GAREM2: variants seen among roughly 807,000 people sequenced by gnomAD.
The protein encoded by GAREM2 is GRB2 associated regulator of MAPK1 subtype 2.
GAREM2 carries 30 observed loss-of-function variants against 55.6 expected under a neutral mutation model. The observed-to-expected ratio is 0.54, with a 90% CI of 0.40 to 0.73. The LOEUF is 0.73. GAREM2 is among the 30% of genes least tolerant of loss of function. GAREM2 has a pLI of 0.00. For synonymous variants in GAREM2, 550 were observed against 569.1 expected, an observed-to-expected ratio of 0.97 and a Z score of 0.48; for missense variants, 1,075 against 1,257.7, an observed-to-expected ratio of 0.85 and a Z score of 2.20.
chr2:26,199,215 A>G, the GAREM2 span: 1 of 152,188 alleles, frequency 6.6e-6, no homozygotes, highest in Non-Finnish European at 1.5e-5. Context: ...ATAACTTTAA[A>G]AAACTAGCCA....
At position 26,173,316 on chromosome 2, in the gene GAREM2, C is replaced by G; in HGVS notation, c.96C>G (p.Leu32=). 7.1e-7 allele frequency: 1 copy of G among 1,413,558 alleles called. No homozygotes were observed. Among genetic ancestry groups the G allele is most frequent in the African/African-American group, 1.5e-5 (1 of 67,458 alleles). The allele number at this position is 1,413,558 out of a possible 1,614,324, so 87.6% of individuals were successfully genotyped here. A position where few individuals can be genotyped will look rare whatever the true frequency, so the allele number is the denominator to read the frequency against. The stretch of plus-strand genomic sequence containing the variant: ...TCAGCCGCTGCCGCCTGCCCACGCT[C>G]GCCTGCCTTGGGCCAGGTACCGGGG... The part of the protein sequence containing the change: ...LIVSRCRLPT[L]ACLGPGEYAE... The change falls in exon 1 of 6, where the codon CTC becomes CTG. Residue 32 remains leucine (L), a synonymous_variant. Coordinates refer to ENST00000401533, the MANE Select transcript of GAREM2 (RefSeq NM_001168241.2).
chr2:26,174,339 G>A (rs547642892), intron 1 of GAREM2, among the ~76,000 whole-genome samples: 169 of 152,380 alleles, frequency 1.1e-3, no homozygotes, highest in African/African-American at 3.9e-3. Context: ...GCGGCCGAGT[G>A]GTCAGAGTGT....
At chr2:26,200,020 G>C in the GAREM2 span, among the ~76,000 whole-genome samples, 2 of 152,226 alleles carry the variant, frequency 1.3e-5, no homozygotes, top group Admixed American at 1.3e-4. Context: ...AGAACACGGA[G>C]ACATGAGGAA....
At chr2:26,175,813 AG>A (rs1351254001) in intron 1 of GAREM2, among the ~76,000 whole-genome samples, 1 of 152,152 alleles carries the variant, frequency 6.6e-6, no homozygotes, top group African/African-American at 2.4e-5. Flanking sequence ...CCACTGCCCC[AG>A]TAGGGCCCTT....
chr2:26,184,562 C>T lies in GAREM2; in HGVS notation c.714C>T (p.Ser238=), dbSNP rs900408741. ...CCTTTCAGTGCCAGGGCCGCTTCAG[C>T]ACTCGCAGCCCGCTGGAGCTGCAGA... ...SLPFQCQGRF[S]TRSPLELQMQ... Residue 238 remains serine, a synonymous_variant, in exon 4 of 6, where the codon AGC becomes AGT. Coordinates refer to ENST00000401533, the MANE Select transcript of GAREM2 (RefSeq NM_001168241.2). 1.3e-6 allele frequency: 2 copies of T among 1,548,124 alleles called. No homozygotes were observed. Among genetic ancestry groups the T allele is most frequent in the Non-Finnish European group, 1.7e-6 (2 of 1,146,012 alleles).
chr2:26,182,270 G>A, intron 2 of GAREM2: 1 of 1,432,410 alleles, frequency 7.0e-7, no homozygotes, highest in Non-Finnish European at 9.2e-7. Context: ...GCCCCAGACT[G>A]CAGGTTGGGA....
intron 2 of GAREM2, chr2:26,181,014 G>C (rs1669034822): frequency 2.0e-6 from 2 of 985,394 alleles, no homozygotes; most frequent in African/African-American, 3.5e-5. Flanking sequence ...AAGCCTGCTG[G>C]GTCTCCCTTC....
downstream of GAREM2, chr2:26,192,215 G>C: frequency 1.4e-6 from 1 of 713,616 alleles, no homozygotes; most frequent in Non-Finnish European, 2.5e-6. Flanking sequence ...AGGACTTAAA[G>C]TATTAAAAAA....
chr2:26,184,440 G>A lies in GAREM2; in HGVS notation c.592G>A (p.Ala198Thr). ...GGGGPASAGAAGGTGGGGARP... is the reference protein window; with the variant it reads ...GGGGPASAGATGGTGGGGARP... ...CGGCGGCCCAGCGAGCGCGGGGGCCGCGGGAGGCACTGGCGGCGGGGGCGC... is the reference window on the plus strand; with the variant it reads ...CGGCGGCCCAGCGAGCGCGGGGGCCACGGGAGGCACTGGCGGCGGGGGCGC... Residue 198 changes from alanine to threonine, a missense_variant, in exon 4 of 6, where the codon GCG becomes ACG. Ala to Thr is a moderately conservative substitution (Grantham distance 58, BLOSUM62 0). Transcript: ENST00000401533. 2 of 1,480,896 alleles carry A rather than the reference G, an allele frequency of 1.4e-6. No individual in the cohort carries two copies. Among genetic ancestry groups the A allele is most frequent in the Non-Finnish European group, 9.0e-7 (1 of 1,114,512 alleles). The allele number at this position is 1,480,896 out of a possible 1,614,324, so 91.7% of individuals were successfully genotyped here.
chr2:26,185,264 C>A lies in GAREM2; in HGVS notation c.1416C>A (p.Pro472=). 1.3e-6 allele frequency: 2 copies of A among 1,519,556 alleles called. No individual in the cohort carries two copies. Among genetic ancestry groups the A allele is most frequent in the Non-Finnish European group, 1.8e-6 (2 of 1,140,442 alleles). The allele number at this position is 1,519,556 out of a possible 1,614,324, so 94.1% of individuals were successfully genotyped here. A position where few individuals can be genotyped will look rare whatever the true frequency, so the allele number is the denominator to read the frequency against. The part of the protein sequence containing the change: ...EPEAPPPPVP[P]KSEAVKEECR... Reference sequence around the variant, plus strand: ...AAGCGCCGCCGCCTCCAGTCCCTCCCAAATCCGAGGCGGTGAGTGAGCGCG... The same window carrying A: ...AAGCGCCGCCGCCTCCAGTCCCTCCAAAATCCGAGGCGGTGAGTGAGCGCG... The change falls in exon 4 of 6, where the codon CCC becomes CCA. Residue 472 remains proline (P), a synonymous_variant. Coordinates refer to ENST00000401533, the MANE Select transcript of GAREM2 (RefSeq NM_001168241.2).
At position 26,182,452 on chromosome 2, in the gene GAREM2, C is replaced by A. The variant is rs547318161; in HGVS notation, c.254-515C>A. On this transcript the variant is annotated intron_variant, in intron 2 of 5. Transcript: ENST00000401533. The stretch of plus-strand genomic sequence containing the variant: ...TGGTTGGCCCAGTGCCACCTCCATG[C>A]GGATCAGCAGCCCAGGGCGATGCAC... 1.3e-5 allele frequency: 20 copies of A among 1,550,482 alleles called. No homozygotes were observed. In the East Asian group the frequency reaches 2.2e-4, roughly 17 times the overall value.
the GAREM2 span, among the ~76,000 whole-genome samples, chr2:26,203,607 C>A: frequency 6.6e-6 from 1 of 152,206 alleles, no homozygotes; most frequent in Non-Finnish European, 1.5e-5. Context: ...CCGGCCCTGC[C>A]TTCCCCCTGC....
rs184041019 is a variant in GAREM2 at position 26,180,133 on chromosome 2, G to A, written c.254-2834G>A. On this transcript the variant is annotated intron_variant, in intron 2 of 5. Coordinates refer to ENST00000401533, the MANE Select transcript of GAREM2 (RefSeq NM_001168241.2). ...CAGGGCGGGGAGGGCAGGCCTGGGG[G>A]CTCCCCCGCCAGCGTTCTCCTAGTC... Among the ~76,000 whole-genome samples the A allele has an allele frequency of 1.3e-5, 2 of 152,232 alleles. 1 individual carries two copies.
At chr2:26,182,445 C>A in intron 2 of GAREM2, 1 of 1,550,522 alleles carries the variant, frequency 6.4e-7, no homozygotes, top group East Asian at 2.4e-5. Flanking sequence ...CCAGTGCCAC[C>A]TCCATGCGGA....
At chr2:26,187,119 G>A (rs1438564120) in intron 5 of GAREM2, 112 bp from the exon 6 acceptor site, 1 of 1,311,070 alleles carries the variant, frequency 7.6e-7, no homozygotes, top group East Asian at 3.1e-5. Context: ...CTGGGGTGCA[G>A]GCCCGTGTTG....
At chr2:26,190,581 C>A (rs1669462737), downstream of GAREM2, 2 of 155,820 alleles carry the variant, frequency 1.3e-5, no homozygotes, top group African/African-American at 4.8e-5. Flanking sequence ...CAAGAAGCAC[C>A]TATGAATGAG....
rs774397935 is a variant in GAREM2 at position 26,185,057 on chromosome 2, C to G, written c.1209C>G (p.Gly403=). The G allele has an allele frequency of 8.1e-7, 1 of 1,241,408 alleles. No individual in the cohort carries two copies. Among genetic ancestry groups the G allele is most frequent in the Non-Finnish European group, 1.0e-6 (1 of 992,606 alleles). 76.9% of individuals were successfully genotyped at this position (1,241,408 alleles called of 1,614,324 possible). A position where few individuals can be genotyped will look rare whatever the true frequency, so the allele number is the denominator to read the frequency against. The part of the protein sequence containing the change: ...APGPLAPAPA[G]EGDQEYVSPD... ...GCCCGCTAGCGCCGGCTCCCGCCGGCGAGGGCGACCAGGAGTACGTGAGCC... is the reference window on the plus strand; with the variant it reads ...GCCCGCTAGCGCCGGCTCCCGCCGGGGAGGGCGACCAGGAGTACGTGAGCC... Residue 403 remains glycine, a synonymous_variant, in exon 4 of 6, where the codon GGC becomes GGG. Transcript: ENST00000401533.
At chr2:26,200,419 A>AGATGCCTC in the GAREM2 span, among the ~76,000 whole-genome samples, 1 of 152,200 alleles carries the variant, frequency 6.6e-6, no homozygotes, top group African/African-American at 2.4e-5. Flanking sequence ...CCATCTCAAG[A>AGATGCCTC]AGTGCCTATG....
At chr2:26,193,793 G>A (rs760394458), downstream of GAREM2, 19 of 1,602,100 alleles carry the variant, frequency 1.2e-5, no homozygotes, top group Non-Finnish European at 1.5e-5. Context: ...AGCGATGCAG[G>A]GACCTCAGGG....
Sources: gnomAD v4.1 joint callset for allele counts (sites outside exome capture counted in the v4.1 genomes callset) on GRCh38, gnomAD v4.1.1 for gene constraint, MANE v1.5 for transcripts, NCBI Gene and HGNC (gene_info 2026-07-23, HGNC 2026-07-21) for gene names.